Variants in KCNC3 observed in about 807,000 individuals in gnomAD.
KCNC3 encodes voltage-gated potassium channel KCNC3.
Under a neutral mutation model 43.9 loss-of-function variants are expected in KCNC3, and 22 were observed. The ratio of observed to expected loss-of-function variants is 0.50; its 90% CI spans 0.36 to 0.72. KCNC3 has a LOEUF of 0.72. Among genes scored for constraint, KCNC3 ranks in the 30% least tolerant of loss-of-function variants. The pLI is 0.00. For synonymous variants in KCNC3, 492 were observed against 488.0 expected, an observed-to-expected ratio of 1.01 and a Z score of -0.11; for missense variants, 829 against 1,073.8, an observed-to-expected ratio of 0.77 and a Z score of 3.19.
rs2036893736 is a variant in KCNC3 at position 50,312,505 on chromosome 19, G to C, written c.*3610C>G. 1 of 152,290 alleles carries C rather than the reference G, an allele frequency of 6.6e-6. No homozygotes were observed. Among genetic ancestry groups the C allele is most frequent in the Admixed American group, 6.5e-5 (1 of 15,288 alleles). The allele number at this position is 152,290 out of a possible 1,614,324, so 9.4% of individuals were successfully genotyped here. A position where few individuals can be genotyped will look rare whatever the true frequency, so the allele number is the denominator to read the frequency against. On this transcript the variant is annotated 3_prime_UTR_variant, in exon 5 of 5. Transcript: ENST00000477616. ...GGCACCCTGGCGGCCGGGGGGAAAA[G>C]GGGGAGCCGGACTTGGAAAGAGTCC...
At chr19:50,322,152 A>G (rs1048213672) in intron 2 of KCNC3, among the ~76,000 whole-genome samples, 3 of 146,786 alleles carry the variant, frequency 2.0e-5, no homozygotes, top group African/African-American at 7.7e-5. Context: ...GGGGCAGTGC[A>G]GGGGGGGGCC....
rs117414437 is a variant in KCNC3, at chr19:50,324,958, C to T, written c.871-876G>A. On this transcript the variant is annotated intron_variant, in intron 1 of 4. Coordinates refer to ENST00000477616, the MANE Select transcript of KCNC3 (RefSeq NM_004977.3). This position sits in a 1 kb window ranked among gnomAD's most constrained non-coding sequence, Gnocchi z 4.1. ...GGAGAGTCAGGCAGGGTTTAGGGCC[C>T]TGAAGAGGAAGGAGAGTCACTGGCC... Among the ~76,000 whole-genome samples, 281 of 152,124 alleles carry T rather than the reference C, an allele frequency of 1.8e-3. No homozygotes were observed. Among genetic ancestry groups the T allele is most frequent in the Middle Eastern group, 6.8e-3 (2 of 294 alleles).
rs1254818350 is a variant in KCNC3, at chr19:50,320,248, AG to A, written c.2271del (p.Ter758SerfsTer14). The A allele has an allele frequency of 1.1e-5, 6 of 549,536 alleles. No homozygotes were observed. Among genetic ancestry groups the A allele is most frequent in the Non-Finnish European group, 1.5e-5 (6 of 398,116 alleles). The allele number at this position is 549,536 out of a possible 1,614,324, so 34.0% of individuals were successfully genotyped here. The part of the protein sequence containing the change: ...LNANAAAWIS[P>X] ...CCCGGGGGGAGGGGGTTCGTCCACTAGGGGGATATCCAGGCCGCGGCGTTGG... is the reference window on the plus strand; with the variant it reads ...CCCGGGGGGAGGGGGTTCGTCCACTAGGGGATATCCAGGCCGCGGCGTTGG... On this transcript the variant is annotated frameshift_variant, in exon 4 of 5. Coordinates refer to ENST00000477616, the MANE Select transcript of KCNC3 (RefSeq NM_004977.3). LOFTEE classifies it high-confidence loss of function.
At chr19:50,317,709 G>C (rs1256281979) in intron 4 of KCNC3, among the ~76,000 whole-genome samples, 1 of 152,138 alleles carries the variant, frequency 6.6e-6, no homozygotes, top group East Asian at 1.9e-4. Flanking sequence ...GGGAAGCTCA[G>C]GGCCTGTGCA....
At chr19:50,325,521 G>C (rs988753808) in intron 1 of KCNC3, among the ~76,000 whole-genome samples, 4 of 151,500 alleles carry the variant, frequency 2.6e-5, no homozygotes, top group Non-Finnish European at 5.9e-5. Context: ...GGAGAGTTTC[G>C]GGGCCACAGA....
rs771112483 is a variant in KCNC3 at position 50,320,325 on chromosome 19, G to A, written c.2195C>T (p.Pro732Leu). 8 of 425,484 alleles carry A rather than the reference G, an allele frequency of 1.9e-5. No individual in the cohort carries two copies. The highest frequency in any genetic ancestry group is 3.3e-5 in the Non-Finnish European group (8 of 243,168). 26.4% of individuals were successfully genotyped at this position (425,484 alleles called of 1,614,324 possible). A position where few individuals can be genotyped will look rare whatever the true frequency, so the allele number is the denominator to read the frequency against. Residue 732 changes from proline (P) to leucine (L), a missense_variant, in exon 4 of 5, where the codon CCC becomes CTC. By Grantham distance (98) the Pro-to-Leu change is moderately conservative. Coordinates refer to ENST00000477616, the MANE Select transcript of KCNC3 (RefSeq NM_004977.3). The stretch of plus-strand genomic sequence containing the variant: ...GGGGCCTGGCTTACGCCAGTCTTGG[G>A]GGGGCAGTGGGGGAGCACCAGTGGC... ...RKATGAPPLP[P>L]QDWRKPGPPS...
chr19:50,327,117 G>C (rs967205695), intron 1 of KCNC3, among the ~76,000 whole-genome samples: 2 of 151,964 alleles, frequency 1.3e-5, no homozygotes, highest in African/African-American at 2.4e-5. Flanking sequence ...GGGGGCTTTG[G>C]ATGGGGGGAG....
At chr19:50,318,691 C>T (rs754325267) in intron 4 of KCNC3, among the ~76,000 whole-genome samples, 45 of 152,146 alleles carry the variant, frequency 3.0e-4, no homozygotes, top group African/African-American at 8.4e-4. Flanking sequence ...AGTTAGTTTG[C>T]GGACCCCTTA....
Position 50,324,109 on chromosome 19 carries a change from G to T in KCNC3, c.871-27C>A, listed in dbSNP as rs903560559. The T allele has an allele frequency of 6.4e-7, 1 of 1,560,716 alleles. No homozygotes were observed. ...TGCAGGGCAGGGAGGGAGAGAGAGGGGGAGAGGTGACCTAGGCATCAGGTT... is the reference window on the plus strand; with the variant it reads ...TGCAGGGCAGGGAGGGAGAGAGAGGTGGAGAGGTGACCTAGGCATCAGGTT... On this transcript the variant is annotated intron_variant, in intron 1 of 4. Transcript: ENST00000477616. This position sits in a 1 kb window ranked among gnomAD's most constrained non-coding sequence, Gnocchi z 4.1.
chr19:50,325,191 C>A (rs971763113), intron 1 of KCNC3, among the ~76,000 whole-genome samples: 1 of 151,892 alleles, frequency 6.6e-6, no homozygotes, highest in Non-Finnish European at 1.5e-5. Flanking sequence ...ATGGGCCAGG[C>A]CCCTAGAGAT....
At position 50,329,212 on chromosome 19, in the gene KCNC3, T is replaced by G. The variant is rs2037152428; in HGVS notation, c.-130A>C. On this transcript the variant is annotated 5_prime_UTR_variant, in exon 1 of 5. Transcript: ENST00000477616. ...CTTAGGGGAGAGGAACCAAACTGATTGGCCTGGGGGAGGTGGGGCGGGGCT... is the reference window on the plus strand; with the variant it reads ...CTTAGGGGAGAGGAACCAAACTGATGGGCCTGGGGGAGGTGGGGCGGGGCT... 9 of 67,674 alleles carry G rather than the reference T, an allele frequency of 1.3e-4. No individual in the cohort carries two copies. Among genetic ancestry groups the G allele is most frequent in the East Asian group, 8.4e-4 (2 of 2,372 alleles). The allele number at this position is 67,674 out of a possible 1,614,324, so 4.2% of individuals were successfully genotyped here. A position where few individuals can be genotyped will look rare whatever the true frequency, so the allele number is the denominator to read the frequency against.
At chr19:50,318,990 T>C (rs1255123695) in intron 4 of KCNC3, among the ~76,000 whole-genome samples, 1 of 21,068 alleles carries the variant, frequency 4.7e-5, no homozygotes, top group African/African-American at 1.2e-4. Context: ...CAAGACAGTC[T>C]CAAAAAAAAA....
chr19:50,328,722 C>G lies in KCNC3; in HGVS notation c.361G>C (p.Glu121Gln). 2 of 1,597,790 alleles carry G rather than the reference C, an allele frequency of 1.3e-6. No individual in the cohort carries two copies. Among genetic ancestry groups the G allele is most frequent in the Non-Finnish European group, 1.7e-6 (2 of 1,173,002 alleles). ...TCGTAGTCGAAGCGTGCCGCCGCCT[C>G]GGGCTCCGTCAGGCCGGCCAGCCGC... is the stretch of plus-strand genomic sequence containing the variant. ...GTRLAGLTEP[E>Q]AAARFDYDPG... The change falls in exon 1 of 5, where the codon GAG (glutamate) becomes CAG (glutamine). Residue 121 changes from glutamate to glutamine, a missense_variant. Glu to Gln is a conservative substitution (Grantham distance 29). This residue lies in a region of KCNC3 where 121 missense variants were observed against 247.4 expected (regional missense o/e 0.49). Transcript: ENST00000477616.
chr19:50,316,080 C>T lies in KCNC3; in HGVS notation c.*35G>A. On this transcript the variant is annotated 3_prime_UTR_variant, in exon 5 of 5. Coordinates refer to ENST00000477616, the MANE Select transcript of KCNC3 (RefSeq NM_004977.3). The stretch of plus-strand genomic sequence containing the variant: ...ACCGAAAGTCTCGCGAGGTCTCAGG[C>T]GGTGACAAGAGCTGGGGACAGAAAT... 1 of 398,096 alleles carries T rather than the reference C, an allele frequency of 2.5e-6. No individual in the cohort carries two copies. 24.7% of individuals were successfully genotyped at this position (398,096 alleles called of 1,614,324 possible).
intron 2 of KCNC3, among the ~76,000 whole-genome samples, chr19:50,321,339 A>G (rs2037031422): frequency 6.6e-6 from 1 of 152,100 alleles, no homozygotes; most frequent in Non-Finnish European, 1.5e-5. Context: ...ATAGTAGTAC[A>G]CGCCTATAGT....
chr19:50,323,830 C>G lies in KCNC3; in HGVS notation c.1123G>C (p.Glu375Gln), dbSNP rs768028091. The G allele has an allele frequency of 6.2e-7, 1 of 1,614,178 alleles. No individual in the cohort carries two copies. Among genetic ancestry groups the G allele is most frequent in the African/African-American group, 1.3e-5 (1 of 75,034 alleles). ...MRITFCPDKV[E>Q]FLKSSLNIID... ...ATGTTGAGGCTGCTTTTAAGAAACT[C>G]CACCTTGTCTGGGCAGAAGGTGATG... is the stretch of plus-strand genomic sequence containing the variant. The change falls in exon 2 of 5, where the codon GAG becomes CAG. Residue 375 changes from glutamate (E) to glutamine (Q), a missense_variant. This residue lies in a region of KCNC3 where 157 missense variants were observed against 293.5 expected (regional missense o/e 0.53). Coordinates refer to ENST00000477616, the MANE Select transcript of KCNC3 (RefSeq NM_004977.3).
Position 50,328,386 on chromosome 19 carries a change from C to G in KCNC3, c.697G>C (p.Gly233Arg). 6.3e-6 allele frequency: 8 copies of G among 1,269,420 alleles called. No homozygotes were observed. The highest frequency in any genetic ancestry group is 7.9e-6 in the Non-Finnish European group (8 of 1,012,466). 78.6% of individuals were successfully genotyped at this position (1,269,420 alleles called of 1,614,324 possible). ...TCGCCGCCCGCTCCGTCCAGGCCGC[C>G]GCCGCCCGCGCCCGCCTCGTCGTCC... is the stretch of plus-strand genomic sequence containing the variant. ...GLDDEAGAGG[G>R]GLDGAGGELK... Residue 233 changes from glycine to arginine, a missense_variant, in exon 1 of 5, where the codon GGC becomes CGC. Physicochemically the swap from Gly to Arg is moderately radical, Grantham distance 125. Transcript: ENST00000477616.
rs1182005679 is a variant in KCNC3, at chr19:50,329,087, C to CG, written c.-6dup. ...GACGCAGACTGAGCTCAGCATTGGA[C>CG]GGGGGGCGGGGCGGGAGGGGCGGGG... On this transcript the variant is annotated 5_prime_UTR_variant, in exon 1 of 5. Coordinates refer to ENST00000477616, the MANE Select transcript of KCNC3 (RefSeq NM_004977.3). 23 of 124,372 alleles carry CG rather than the reference C, an allele frequency of 1.8e-4. No individual in the cohort carries two copies. The highest frequency in any genetic ancestry group is 2.2e-3 in the Middle Eastern group (1 of 462). 7.7% of individuals were successfully genotyped at this position (124,372 alleles called of 1,614,324 possible).
At chr19:50,316,119 G>C (rs1221830683) in intron 4 of KCNC3, 28 bp from the exon 5 acceptor site, 1 of 402,048 alleles carries the variant, frequency 2.5e-6, no homozygotes, top group Non-Finnish European at 4.6e-6. Flanking sequence ...CAGAGTCACG[G>C]GGGTGGGGAG....
Sources: gnomAD v4.1 joint callset for allele counts (sites outside exome capture counted in the v4.1 genomes callset) on GRCh38, gnomAD v4.1.1 for gene constraint, gnomAD v4.1.1 regional missense constraint, Gnocchi (gnomAD v3.1) non-coding constraint, MANE v1.5 for transcripts, NCBI Gene and HGNC (gene_info 2026-07-23, HGNC 2026-07-21) for gene names.